JMY: variants seen among roughly 807,000 people sequenced by gnomAD.
The protein encoded by JMY is junction-mediating and -regulatory protein.
JMY carries 46 observed loss-of-function variants against 103.3 expected under a neutral mutation model. The observed-to-expected ratio is 0.45, with a 90% confidence interval of 0.35 to 0.57. The LOEUF is 0.57. JMY is among the 20% of genes least tolerant of loss of function. The probability of loss-of-function intolerance (pLI) is 0.00; values close to 1 mark genes in which losing one functional copy is unlikely to be tolerated. For synonymous variants in JMY, 526 were observed against 489.3 expected (o/e 1.07, Z -0.99); for missense variants, 1,238 against 1,255.2 (o/e 0.99, Z 0.21).
chr5:79,274,272 G>T (rs1231870349), intron 1 of JMY, among the ~76,000 whole-genome samples: 1 of 151,828 alleles, frequency 6.6e-6, no homozygotes. Flanking sequence ...GTTTATTCTT[G>T]TTGAGTGTAT....
chr5:79,300,944 C>T (rs1746716823), intron 6 of JMY, 81 bp downstream of exon 6: 2 of 1,222,824 alleles, frequency 1.6e-6, no homozygotes, highest in South Asian at 1.6e-5. Flanking sequence ...TTAAAACTTG[C>T]TTATGTTTTA....
intron 10 of JMY, among the ~76,000 whole-genome samples, chr5:79,316,568 A>G (rs1747227556): frequency 6.6e-6 from 1 of 152,054 alleles, no homozygotes; most frequent in South Asian, 2.1e-4. Flanking sequence ...TCTGCTATAC[A>G]GCTGTAATTG....
rs1207812503 is a variant in JMY, at chr5:79,270,391, AAT to A, written c.1033-7512_1033-7511del. On this transcript the variant is annotated intron_variant, in intron 1 of 10. Coordinates refer to ENST00000396137, the MANE Select transcript of JMY (RefSeq NM_152405.5). ...TATATTTACATAAATATTTACATAAAATATATATTTACATAAATATTTAAAAT... is the reference window on the plus strand; with the variant it reads ...TATATTTACATAAATATTTACATAAAATATATTTACATAAATATTTAAAAT... 2.4e-4 allele frequency among the ~76,000 whole-genome samples: 31 copies of A among 127,512 alleles called. 1 individual carries two copies. The highest frequency in any genetic ancestry group is 4.2e-4 in the East Asian group (2 of 4,818). The allele number at this position is 127,512 out of a possible 152,430, so 83.7% of individuals were successfully genotyped here. A position where few individuals can be genotyped will look rare whatever the true frequency, so the allele number is the denominator to read the frequency against.
chr5:79,266,159 G>A (rs1306976344), intron 1 of JMY, among the ~76,000 whole-genome samples: 1 of 152,122 alleles, frequency 6.6e-6, no homozygotes, highest in African/African-American at 2.4e-5. Flanking sequence ...TATTTGCAAG[G>A]TATTTGCCTC....
At chr5:79,277,582 A>G (rs890041658) in intron 1 of JMY, among the ~76,000 whole-genome samples, 2 of 151,976 alleles carry the variant, frequency 1.3e-5, no homozygotes, top group Non-Finnish European at 2.9e-5. Flanking sequence ...AGGTTGCAGC[A>G]AGCTGAGATC....
At chr5:79,269,271 A>G (rs1406738183) in intron 1 of JMY, among the ~76,000 whole-genome samples, 1 of 152,036 alleles carries the variant, frequency 6.6e-6, no homozygotes, top group East Asian at 1.9e-4. Context: ...GTGTGGATTT[A>G]TTTTTGGACT....
At chr5:79,252,434 T>A (rs1348280716) in intron 1 of JMY, among the ~76,000 whole-genome samples, 1 of 152,058 alleles carries the variant, frequency 6.6e-6, no homozygotes, top group African/African-American at 2.4e-5. Context: ...GAACATGTAT[T>A]CTGTATCTGT....
intron 1 of JMY, among the ~76,000 whole-genome samples, chr5:79,270,641 A>ATATAAAATATATTTACATAAATG (rs1745751523): frequency 4.5e-5 from 6 of 133,136 alleles, no homozygotes; most frequent in African/African-American, 1.9e-4. Flanking sequence ...TTACATAAAT[A>ATATAAAATATATTTACATAAATG]TTTATATAAA....
At chr5:79,296,772 T>C (rs1746575146) in intron 4 of JMY, among the ~76,000 whole-genome samples, 1 of 152,220 alleles carries the variant, frequency 6.6e-6, no homozygotes, top group Admixed American at 6.5e-5. Context: ...GCTCTTTTAA[T>C]AGTTCCTCTA....
At chr5:79,270,653 T>TATATTTACATAAATATTTATATAAA (rs1745753021) in intron 1 of JMY, among the ~76,000 whole-genome samples, 3 of 71,336 alleles carry the variant, frequency 4.2e-5, no homozygotes, top group Non-Finnish European at 3.2e-5. Flanking sequence ...TTATATAAAA[T>TATATTTACATAAATATTTATATAAA]ATATATTTAC....
Position 79,281,363 on chromosome 5 carries a change from T to C in JMY, c.1206+3280T>C, listed in dbSNP as rs1404467572. 6.0e-5 allele frequency among the ~76,000 whole-genome samples: 9 copies of C among 150,100 alleles called. No individual in the cohort carries two copies. In the East Asian group the frequency reaches 1.7e-3, roughly 29 times the overall value. On this transcript the variant is annotated intron_variant, in intron 2 of 10. Coordinates refer to ENST00000396137, the MANE Select transcript of JMY (RefSeq NM_152405.5). ...CCAGCCAAGAAATTAATTTTTTTTT[T>C]TTTTTTTTTTTTTTTTACTTTTAAA...
chr5:79,317,863 T>C (rs931106223), intron 10 of JMY, among the ~76,000 whole-genome samples: 4 of 152,064 alleles, frequency 2.6e-5, no homozygotes, highest in African/African-American at 7.2e-5. Flanking sequence ...TTAATTTCTT[T>C]GTAGAGACAG....
intron 7 of JMY, among the ~76,000 whole-genome samples, chr5:79,308,466 T>C (rs1746953364): frequency 6.6e-6 from 1 of 152,256 alleles, no homozygotes; most frequent in Non-Finnish European, 1.5e-5. Context: ...TTTAAAAGAC[T>C]GTCCTTTCTC....
chr5:79,325,536 A>C lies in JMY; in HGVS notation c.*3934A>C, dbSNP rs1211812286. ...AGATTCTATTTCCCACTTACTGCTTAGCATAGAAAAAGAGCTATGGTTAGA... is the reference window on the plus strand; with the variant it reads ...AGATTCTATTTCCCACTTACTGCTTCGCATAGAAAAAGAGCTATGGTTAGA... On this transcript the variant is annotated 3_prime_UTR_variant, in exon 11 of 11. Coordinates refer to ENST00000396137, the MANE Select transcript of JMY (RefSeq NM_152405.5). The C allele has an allele frequency of 6.6e-6, 1 of 152,188 alleles. No homozygotes were observed. The highest frequency in any genetic ancestry group is 1.5e-5 in the Non-Finnish European group (1 of 68,008). The allele number at this position is 152,188 out of a possible 1,614,324, so 9.4% of individuals were successfully genotyped here.
chr5:79,307,727 G>A (rs745890778), intron 7 of JMY, among the ~76,000 whole-genome samples: 25 of 152,078 alleles, frequency 1.6e-4, no homozygotes, highest in Non-Finnish European at 3.4e-4. Flanking sequence ...TCTCTAGTAA[G>A]GTGTCTGTTC....
intron 4 of JMY, among the ~76,000 whole-genome samples, chr5:79,296,696 C>T (rs113865497): frequency 0.022 from 3,315 of 152,290 alleles, 57 homozygotes; most frequent in Non-Finnish European, 0.031. Context: ...TGCATATTTT[C>T]TGTAACTCAA....
chr5:79,277,068 TTAA>T (rs1400325929), intron 1 of JMY, among the ~76,000 whole-genome samples: 2 of 152,138 alleles, frequency 1.3e-5, no homozygotes, highest in Non-Finnish European at 2.9e-5. Context: ...ATTTATAATT[TTAA>T]TAATATTTAT....
chr5:79,242,975 C>T (rs1447526625), intron 1 of JMY, among the ~76,000 whole-genome samples: 1 of 151,870 alleles, frequency 6.6e-6, no homozygotes, highest in Non-Finnish European at 1.5e-5. Flanking sequence ...TAACTCATTT[C>T]GAATTAATTA....
At chr5:79,293,881 T>C (rs1188476699) in intron 4 of JMY, among the ~76,000 whole-genome samples, 1 of 139,012 alleles carries the variant, frequency 7.2e-6, no homozygotes, top group Non-Finnish European at 1.6e-5. Context: ...AATAGCATAA[T>C]CTGACCATGC....
Sources: allele counts gnomAD v4.1 joint callset (sites outside exome capture counted in the v4.1 genomes callset), GRCh38; gene constraint gnomAD v4.1.1; transcripts MANE v1.5; gene names NCBI Gene and HGNC (gene_info 2026-07-23, HGNC 2026-07-21).